Variants in HVCN1 observed in about 807,000 individuals in gnomAD.
The protein encoded by HVCN1 is hydrogen voltage gated channel 1, also known as voltage-gated hydrogen channel 1.
HVCN1 carries 14 observed loss-of-function variants against 29.2 expected under a neutral mutation model. That is an observed-to-expected ratio of 0.48 (90% CI 0.32 to 0.75). The LOEUF (loss-of-function observed/expected upper bound fraction) is 0.75, where lower values mean the gene tolerates loss of function less well. HVCN1 is among the 30% of genes least tolerant of loss of function. HVCN1 has a pLI of 0.04. For missense variants in HVCN1, 263 were observed against 341.8 expected (o/e 0.77, Z 1.82); for synonymous variants, 131 against 133.2 (o/e 0.98, Z 0.11).
At chr12:110,694,261 T>G (rs2069456021), upstream of HVCN1, among the ~76,000 whole-genome samples, 1 of 152,298 alleles carries the variant, frequency 6.6e-6, no homozygotes, top group East Asian at 1.9e-4. The surrounding 1 kb of genome is among the most constrained non-coding windows in gnomAD (Gnocchi z 4.6). Context: ...AGGGTCTCAC[T>G]ATGTTGCCTA....
chr12:110,656,255 G>A (rs1269898100), intron 4 of HVCN1, among the ~76,000 whole-genome samples: 1 of 152,176 alleles, frequency 6.6e-6, no homozygotes, highest in Non-Finnish European at 1.5e-5. Context: ...GAAGGGGAGA[G>A]GAGTCCTGGT....
At chr12:110,699,292 T>A (rs1353584093) in intron 2 of HVCN1, among the ~76,000 whole-genome samples, 3 of 152,100 alleles carry the variant, frequency 2.0e-5, no homozygotes, top group Non-Finnish European at 4.4e-5. Flanking sequence ...CATCCAGGCA[T>A]CCCCCTCTTC....
intron 1 of HVCN1, among the ~76,000 whole-genome samples, chr12:110,702,801 T>C (rs1393069161): frequency 6.6e-6 from 1 of 152,156 alleles, no homozygotes; most frequent in African/African-American, 2.4e-5. Context: ...ATTACAGGCA[T>C]GTGCAACCAT....
intron 2 of HVCN1, among the ~76,000 whole-genome samples, chr12:110,687,205 T>C (rs1487766786): frequency 1.3e-5 from 2 of 150,664 alleles, no homozygotes; most frequent in African/African-American, 4.9e-5. Context: ...TAGACTGACA[T>C]GTTACCTGGG....
intron 4 of HVCN1, among the ~76,000 whole-genome samples, chr12:110,659,260 A>G (rs2068086986): frequency 1.3e-5 from 2 of 151,886 alleles, no homozygotes; most frequent in Admixed American, 6.6e-5. Context: ...CAAGGGCTAC[A>G]TTTCTCTGCT....
rs7132423 is a variant in HVCN1 at position 110,687,264 on chromosome 12, C to A, written c.-20+1361G>T. On this transcript the variant is annotated intron_variant, in intron 2 of 7. Transcript: ENST00000242607. ...ATATACAAGACAGACCACACCCCCC[C>A]CCCCCAGCTAAGCACTGGGAAGCCA... Among the ~76,000 whole-genome samples, 204 of 149,660 alleles carry A rather than the reference C, an allele frequency of 1.4e-3. 1 individual carries two copies. The highest frequency in any genetic ancestry group is 3.7e-3 in the African/African-American group (151 of 40,594).
intron 1 of HVCN1, among the ~76,000 whole-genome samples, chr12:110,703,904 C>T (rs2069584619): frequency 6.6e-6 from 1 of 152,178 alleles, no homozygotes. Flanking sequence ...AGGCTTCTCT[C>T]GAACTCCTAG....
intron 3 of HVCN1, among the ~76,000 whole-genome samples, chr12:110,663,624 G>GA (rs913532081): frequency 5.0e-5 from 6 of 119,900 alleles, no homozygotes; most frequent in African/African-American, 1.8e-4. Context: ...GAATAAAAAA[G>GA]AAAAAAAATT....
chr12:110,686,030 G>A (rs575825633), intron 2 of HVCN1, among the ~76,000 whole-genome samples: 17 of 151,654 alleles, frequency 1.1e-4, no homozygotes, highest in Non-Finnish European at 2.1e-4. Context: ...ACAGAGTCTC[G>A]TTCTGTTGCC....
At chr12:110,693,662 C>A (rs1258556873), upstream of HVCN1, among the ~76,000 whole-genome samples, 1 of 152,004 alleles carries the variant, frequency 6.6e-6, no homozygotes, top group East Asian at 1.9e-4. Flanking sequence ...TTATATGTAT[C>A]ATTACTTCAA....
chr12:110,664,719 A>G (rs1196462008), intron 3 of HVCN1, among the ~76,000 whole-genome samples: 2 of 152,216 alleles, frequency 1.3e-5, no homozygotes, highest in Non-Finnish European at 2.9e-5. Context: ...TCCCCTTGTG[A>G]ATCTGCTTGG....
At chr12:110,663,587 C>CAAAAAAAAA (rs1182792368) in intron 3 of HVCN1, among the ~76,000 whole-genome samples, 8 of 25,802 alleles carry the variant, frequency 3.1e-4, no homozygotes, top group African/African-American at 9.4e-4. Flanking sequence ...GACGCTGTCT[C>CAAAAAAAAA]AAAAAAAAAA....
At chr12:110,700,949 A>C (rs1361966672) in intron 2 of HVCN1, among the ~76,000 whole-genome samples, 1 of 152,210 alleles carries the variant, frequency 6.6e-6, no homozygotes, top group Non-Finnish European at 1.5e-5. Context: ...TGGAACTCTT[A>C]GTGGAGAAGT....
chr12:110,703,818 G>T (rs1443829535), intron 1 of HVCN1, among the ~76,000 whole-genome samples: 5 of 151,968 alleles, frequency 3.3e-5, no homozygotes, highest in Admixed American at 6.6e-5. Context: ...CCAAGTAGCT[G>T]GGATTATAGG....
intron 2 of HVCN1, among the ~76,000 whole-genome samples, chr12:110,685,998 A>G (rs528065899): frequency 2.0e-5 from 3 of 151,582 alleles, no homozygotes; most frequent in African/African-American, 7.3e-5. Context: ...TGTAACTTCT[A>G]TAATTTTTTT....
At chr12:110,696,705 A>G (rs1289379904) in intron 2 of HVCN1, among the ~76,000 whole-genome samples, 2 of 152,144 alleles carry the variant, frequency 1.3e-5, no homozygotes, top group African/African-American at 4.8e-5. Context: ...GTCTGGTGTC[A>G]TTCATTGAGC....
intron 2 of HVCN1, among the ~76,000 whole-genome samples, chr12:110,684,268 G>C (rs2069099046): frequency 1.3e-5 from 2 of 149,592 alleles, no homozygotes; most frequent in African/African-American, 2.5e-5. Context: ...AAAATGTTCT[G>C]ATAGAGGTGA....
chr12:110,681,787 C>T (rs2068985568), intron 3 of HVCN1, among the ~76,000 whole-genome samples: 1 of 152,122 alleles, frequency 6.6e-6, no homozygotes, highest in East Asian at 1.9e-4. Flanking sequence ...CTGGCTAGGC[C>T]CCCAGAACCT....
At chr12:110,660,058 G>A (rs1477835469) in intron 4 of HVCN1, among the ~76,000 whole-genome samples, 1 of 151,392 alleles carries the variant, frequency 6.6e-6, no homozygotes, top group Non-Finnish European at 1.5e-5. Context: ...GCAAGACTCT[G>A]TCTCCAATCA....
Sources: gnomAD v4.1 joint callset for allele counts (sites outside exome capture counted in the v4.1 genomes callset) on GRCh38, gnomAD v4.1.1 for gene constraint, Gnocchi (gnomAD v3.1) non-coding constraint, MANE v1.5 for transcripts, NCBI Gene and HGNC (gene_info 2026-07-23, HGNC 2026-07-21) for gene names.